RSBN1L: variants seen among roughly 807,000 people sequenced by gnomAD.
The protein encoded by RSBN1L is lysine-specific demethylase RSBN1L.
RSBN1L carries 30 observed loss-of-function variants against 67.7 expected under a neutral mutation model. The ratio of observed to expected loss-of-function variants is 0.44; its 90% CI spans 0.33 to 0.60. The LOEUF is 0.60. Ranked by LOEUF, RSBN1L falls within the 20% of genes least tolerant of loss-of-function variation. The probability of loss-of-function intolerance (pLI) is 0.02; values close to 1 mark genes in which losing one functional copy is unlikely to be tolerated. For synonymous variants in RSBN1L, 433 were observed against 387.0 expected (o/e 1.12, Z -1.39); for missense variants, 992 against 1,031.7 (o/e 0.96, Z 0.53).
At chr7:77,703,131 C>A (rs1244373941) in intron 1 of RSBN1L, among the ~76,000 whole-genome samples, 1 of 152,122 alleles carries the variant, frequency 6.6e-6, no homozygotes, top group East Asian at 1.9e-4. Flanking sequence ...ACCTAGTCTC[C>A]CTGTTTTCAT....
chr7:77,702,680 A>G (rs11760728), intron 1 of RSBN1L, among the ~76,000 whole-genome samples: 2,782 of 152,314 alleles, frequency 0.018, 37 homozygotes, highest in Middle Eastern at 0.034. Context: ...CTATAATAAA[A>G]TACCATAGAA....
At chr7:77,775,735 A>G (rs1791904551) in intron 6 of RSBN1L, among the ~76,000 whole-genome samples, 1 of 152,108 alleles carries the variant, frequency 6.6e-6, no homozygotes. Context: ...GACCATCTTG[A>G]TGAATTTTTA....
At chr7:77,701,151 C>CAAAAAA (rs1221326900) in intron 1 of RSBN1L, among the ~76,000 whole-genome samples, 1 of 88,704 alleles carries the variant, frequency 1.1e-5, no homozygotes, top group African/African-American at 4.0e-5. Context: ...GACTCTGGCT[C>CAAAAAA]AAAAAAAAAA....
chr7:77,747,215 A>G (rs1298187833), intron 2 of RSBN1L, among the ~76,000 whole-genome samples: 1 of 152,252 alleles, frequency 6.6e-6, no homozygotes, highest in Non-Finnish European at 1.5e-5. Context: ...GGTAGAAAAG[A>G]AAAGCCTATT....
chr7:77,774,224 TGA>T (rs1217922343), intron 6 of RSBN1L, among the ~76,000 whole-genome samples: 1 of 152,250 alleles, frequency 6.6e-6, no homozygotes, highest in Admixed American at 6.5e-5. Context: ...TTAATATACT[TGA>T]GGTGTCATCT....
chr7:77,696,991 TGGGGCCCGAGAGGCCGGC>T lies in RSBN1L; in HGVS notation c.529_546del (p.Arg177_Ala182del). ...AGGAGAGGAGGAGGCACGGTCTCGG[TGGGGCCCGAGAGGCCGGC>T]GGGGCCTCCCGGGAGGAGAACGGGG... is the stretch of plus-strand genomic sequence containing the variant. On this transcript the variant is annotated inframe_deletion, in exon 1 of 8. Transcript: ENST00000334955. 2 of 1,543,216 alleles carry T rather than the reference TGGGGCCCGAGAGGCCGGC, an allele frequency of 1.3e-6. No homozygotes were observed. The highest frequency in any genetic ancestry group is 1.7e-6 in the Non-Finnish European group (2 of 1,152,026).
intron 1 of RSBN1L, among the ~76,000 whole-genome samples, chr7:77,734,246 G>A (rs1426119897): frequency 1.3e-5 from 2 of 152,108 alleles, no homozygotes; most frequent in African/African-American, 4.8e-5. Flanking sequence ...CTGTGGTGCC[G>A]TTTCACAAGT....
chr7:77,711,314 G>T (rs1359078666), intron 1 of RSBN1L, among the ~76,000 whole-genome samples: 3 of 145,768 alleles, frequency 2.1e-5, no homozygotes, highest in South Asian at 2.2e-4. Flanking sequence ...AAGATATTTT[G>T]CATATTAATT....
rs552004154 is a variant in RSBN1L at position 77,707,180 on chromosome 7, C to T, written c.586+10125C>T. On this transcript the variant is annotated intron_variant, in intron 1 of 7. Transcript: ENST00000334955. ...CTGGACTTACAGTTGTGTGCCACCA[C>T]GCCCAGCTAATTTTTGTATTTTTAG... Among the ~76,000 whole-genome samples, 8 of 152,130 alleles carry T rather than the reference C, an allele frequency of 5.3e-5. No homozygotes were observed. In the East Asian group the frequency reaches 1.2e-3, roughly 22 times the overall value.
intron 2 of RSBN1L, among the ~76,000 whole-genome samples, chr7:77,743,853 C>T (rs1271674670): frequency 2.0e-5 from 3 of 151,036 alleles, no homozygotes; most frequent in Non-Finnish European, 4.4e-5. Context: ...TTGATTGTTT[C>T]ATCTTTCATT....
intron 1 of RSBN1L, among the ~76,000 whole-genome samples, chr7:77,705,763 C>A (rs1355316613): frequency 6.6e-6 from 1 of 151,932 alleles, no homozygotes; most frequent in African/African-American, 2.4e-5. Flanking sequence ...CTGCCTGCCT[C>A]GGTCTCACGA....
At chr7:77,761,249 T>A (rs1285209104) in intron 3 of RSBN1L, among the ~76,000 whole-genome samples, 1 of 152,228 alleles carries the variant, frequency 6.6e-6, no homozygotes, top group Non-Finnish European at 1.5e-5. Flanking sequence ...TTACCCTTTT[T>A]CCTTCCTTCC....
chr7:77,706,054 A>G lies in RSBN1L; in HGVS notation c.586+8999A>G, dbSNP rs138246714. On this transcript the variant is annotated intron_variant, in intron 1 of 7. Coordinates refer to ENST00000334955, the MANE Select transcript of RSBN1L (RefSeq NM_198467.3). ...GCTGGGATTACAGGTGCCTGCCACC[A>G]TGCCCGCCTAACTTTTTTATTTAAT... is the stretch of plus-strand genomic sequence containing the variant. Among the ~76,000 whole-genome samples the G allele has an allele frequency of 5.4e-3, 809 of 149,492 alleles. 11 individuals are homozygous for G. Among genetic ancestry groups the G allele is most frequent in the African/African-American group, 0.018 (745 of 40,682 alleles).
intron 3 of RSBN1L, among the ~76,000 whole-genome samples, chr7:77,757,391 G>A (rs1791633936): frequency 6.6e-6 from 1 of 152,148 alleles, no homozygotes; most frequent in African/African-American, 2.4e-5. Context: ...ATTTTAACAG[G>A]TCATGTCATT....
In RSBN1L at chr7:77,778,749, A is replaced by G. The variant is rs1035223565; in HGVS notation, c.2122A>G (p.Thr708Ala). 2 of 1,614,050 alleles carry G rather than the reference A, an allele frequency of 1.2e-6. No homozygotes were observed. The highest frequency in any genetic ancestry group is 2.7e-5 in the African/African-American group (2 of 74,946). ...TTCTCAGAATACAGCTACTCATGAA[A>G]CAGGCACATCATCAGATTCCACATC... ...DTSQNTATHETGTSSDSTSSV... is the reference protein window; with the variant it reads ...DTSQNTATHEAGTSSDSTSSV... Residue 708 changes from threonine to alanine, a missense_variant, in exon 8 of 8, where the codon ACA becomes GCA. By Grantham distance (58) the Thr-to-Ala change is moderately conservative. Transcript: ENST00000334955.
intron 1 of RSBN1L, among the ~76,000 whole-genome samples, chr7:77,705,403 T>C (rs1790877570): frequency 6.6e-6 from 1 of 152,130 alleles, no homozygotes; most frequent in African/African-American, 2.4e-5. Context: ...TAGGTACTCA[T>C]ATTACGTTTG....
chr7:77,705,362 C>T (rs188948104), intron 1 of RSBN1L, among the ~76,000 whole-genome samples: 46 of 152,050 alleles, frequency 3.0e-4, no homozygotes, highest in African/African-American at 1.0e-3. Context: ...TGATTAAATT[C>T]GAGTTAAACA....
chr7:77,744,027 GTT>G (rs966134274), intron 2 of RSBN1L, among the ~76,000 whole-genome samples: 9 of 151,022 alleles, frequency 6.0e-5, no homozygotes, highest in Non-Finnish European at 4.4e-5. Context: ...TGTCTGGACT[GTT>G]TTACTTTTTA....
chr7:77,758,862 A>G (rs956243409), intron 3 of RSBN1L, among the ~76,000 whole-genome samples: 6 of 152,312 alleles, frequency 3.9e-5, no homozygotes, highest in South Asian at 2.1e-4. Flanking sequence ...TCTTGTCACT[A>G]TGTTTAATCA....
Sources: gnomAD v4.1 joint callset for allele counts (sites outside exome capture counted in the v4.1 genomes callset) on GRCh38, gnomAD v4.1.1 for gene constraint, MANE v1.5 for transcripts, NCBI Gene and HGNC (gene_info 2026-07-23, HGNC 2026-07-21) for gene names.